The following FAM240C variants were observed in gnomAD, a reference collection of about 807,000 sequenced individuals.
The protein encoded by FAM240C is protein FAM240C.
FAM240C carries 14 observed loss-of-function variants against 10.0 expected under a neutral mutation model. The observed-to-expected ratio is 1.40, with a 90% confidence interval of 0.92 to 2.19. The LOEUF is 2.19. FAM240C is among the 30% of genes most tolerant of loss of function. The pLI, the probability that FAM240C is intolerant of heterozygous loss-of-function variation, is 0.00. For synonymous variants in FAM240C, 49 were observed against 44.3 expected, an observed-to-expected ratio of 1.11 and a Z score of -0.42; for missense variants, 154 against 122.3, an observed-to-expected ratio of 1.26 and a Z score of -1.22.
At chr2:241,896,723 T>G (rs73016201) in intron 2 of FAM240C, among the ~76,000 whole-genome samples, 102 of 1,572 alleles carry the variant, frequency 0.065, 28 homozygotes, top group South Asian at 0.12. Context: ...TGGGGGTGTG[T>G]GTGTTGGGGT....
At chr2:241,901,353 C>T (rs76494538), upstream of FAM240C, among the ~76,000 whole-genome samples, 12,176 of 152,266 alleles carry the variant, frequency 0.08, 547 homozygotes, top group East Asian at 0.13. This position sits in a 1 kb window ranked among gnomAD's most constrained non-coding sequence, Gnocchi z 4.9. Flanking sequence ...TTCAGTCTCC[C>T]GGGTCACTTG....
At chr2:241,901,763 G>A (rs547180815), upstream of FAM240C, among the ~76,000 whole-genome samples, 46 of 152,362 alleles carry the variant, frequency 3.0e-4, no homozygotes, top group Middle Eastern at 3.4e-3. The surrounding 1 kb of genome is among the most constrained non-coding windows in gnomAD (Gnocchi z 4.9). Context: ...AAACGGAAAG[G>A]AATAGCCCCA....
upstream of FAM240C, chr2:241,902,441 A>T (rs1450994490): frequency 9.5e-6 from 1 of 105,316 alleles, no homozygotes. This position sits in a 1 kb window ranked among gnomAD's most constrained non-coding sequence, Gnocchi z 7.1. Context: ...TCCGCCTGCC[A>T]GCCCGGAACG....
At chr2:241,900,542 C>G (rs1701960085), upstream of FAM240C, 38 of 605,956 alleles carry the variant, frequency 6.3e-5, 1 homozygote, top group South Asian at 7.2e-4. This position sits in a 1 kb window ranked among gnomAD's most constrained non-coding sequence, Gnocchi z 4.5. Context: ...GGGCACCGTC[C>G]CTGGCAGAGC....
chr2:241,899,296 G>A, intron 1 of FAM240C: 5 of 985,458 alleles, frequency 5.1e-6, no homozygotes, highest in African/African-American at 3.5e-5. Flanking sequence ...GCTTTGCTGG[G>A]GAGCTGCCCC....
At chr2:241,898,638 C>T (rs187922957) in intron 1 of FAM240C, among the ~76,000 whole-genome samples, 229 of 152,258 alleles carry the variant, frequency 1.5e-3, no homozygotes, top group Admixed American at 4.6e-3. Context: ...GCCCTCCTCC[C>T]GATTTCACCC....
rs765328374 is a variant in FAM240C at position 241,897,329 on chromosome 2, C to T, written c.18G>A (p.Met6Ile). The T allele has an allele frequency of 9.7e-6, 15 of 1,549,294 alleles. No individual in the cohort carries two copies. The highest frequency in any genetic ancestry group is 7.1e-5 in the South Asian group (6 of 84,066). The change falls in exon 2 of 3, where the codon ATG (methionine) becomes ATA (isoleucine). Residue 6 changes from methionine (M) to isoleucine (I), a missense_variant. By Grantham distance (10) the Met-to-Ile change is conservative. Coordinates refer to ENST00000404031, the MANE Select transcript of FAM240C (RefSeq NM_001382368.1). The part of the protein sequence containing the change: MVGKN[M>I]SKSLTLKNPG... ...GATTCTTAAGAGTGAGGCTTTTACT[C>T]ATGTTCTGGAAAATAAAAAGTGGAG... is the stretch of plus-strand genomic sequence containing the variant.
chr2:241,900,087 C>T lies in FAM240C; in HGVS notation c.12+271G>A, dbSNP rs996748191. Among the ~76,000 whole-genome samples the T allele has an allele frequency of 1.3e-5, 2 of 152,168 alleles. No individual in the cohort carries two copies. The highest frequency in any genetic ancestry group is 3.9e-4 in the East Asian group (2 of 5,158). ...ATCTCATAAACAACAACAACAGCAACAAAACAAAACAACAATGACAACAAC... is the reference window on the plus strand; with the variant it reads ...ATCTCATAAACAACAACAACAGCAATAAAACAAAACAACAATGACAACAAC... On this transcript the variant is annotated intron_variant, in intron 1 of 2. Transcript: ENST00000404031. This position sits in a 1 kb window ranked among gnomAD's most constrained non-coding sequence, Gnocchi z 4.5.
Position 241,900,142 on chromosome 2 carries a change from C to T in FAM240C, c.12+216G>A, listed in dbSNP as rs1394078004. 6.6e-6 allele frequency among the ~76,000 whole-genome samples: 1 copy of T among 152,158 alleles called. No homozygotes were observed. Among genetic ancestry groups the T allele is most frequent in the Non-Finnish European group, 1.5e-5 (1 of 68,028 alleles). On this transcript the variant is annotated intron_variant, in intron 1 of 2. Coordinates refer to ENST00000404031, the MANE Select transcript of FAM240C (RefSeq NM_001382368.1). The surrounding 1 kb of genome is among the most constrained non-coding windows in gnomAD (Gnocchi z 4.5). ...ACACAAAGGGGTGCGTGTTGTGAGG[C>T]AGGTGATGGAGACACTCTCCCCCCA...
chr2:241,895,123 C>T (rs527265188), intron 2 of FAM240C, among the ~76,000 whole-genome samples: 4 of 152,246 alleles, frequency 2.6e-5, no homozygotes, highest in Non-Finnish European at 5.9e-5. Flanking sequence ...ACCCAGATGA[C>T]GATGGTGCTG....
intron 2 of FAM240C, among the ~76,000 whole-genome samples, chr2:241,895,971 G>GT (rs200035960): frequency 5.3e-5 from 8 of 152,062 alleles, no homozygotes; most frequent in South Asian, 2.1e-4. Flanking sequence ...GGTGGGGGGG[G>GT]GCCTCTCCTT....
At chr2:241,894,445 G>C in intron 2 of FAM240C, 106 bp from the exon 3 acceptor site, 1 of 1,286,936 alleles carries the variant, frequency 7.8e-7, no homozygotes, top group Non-Finnish European at 1.1e-6. Context: ...GCAGGAGTAT[G>C]ACACTCCCTG....
chr2:241,896,480 CG>C (rs1277188784), intron 2 of FAM240C, among the ~76,000 whole-genome samples: 18 of 75,434 alleles, frequency 2.4e-4, no homozygotes, highest in South Asian at 1.8e-3. Flanking sequence ...AGGGAGATGG[CG>C]GGGGAAGGGG....
chr2:241,899,694 C>G (rs1701935760), intron 1 of FAM240C, among the ~76,000 whole-genome samples: 1 of 152,224 alleles, frequency 6.6e-6, no homozygotes, highest in Non-Finnish European at 1.5e-5. Context: ...ACTTAGCCCC[C>G]AAAGGCAGCC....
At chr2:241,894,907 C>T (rs1701756589) in intron 2 of FAM240C, among the ~76,000 whole-genome samples, 1 of 152,248 alleles carries the variant, frequency 6.6e-6, no homozygotes, top group East Asian at 1.9e-4. Flanking sequence ...ATCTCAGCAC[C>T]ACGCATGGGC....
In FAM240C at chr2:241,894,579, G is replaced by T. The variant is rs939413241; in HGVS notation, c.162-240C>A. Among the ~76,000 whole-genome samples the T allele has an allele frequency of 7.5e-5, 10 of 132,600 alleles. 1 individual carries two copies. In the East Asian group the frequency reaches 2.8e-3, roughly 37 times the overall value. 87.0% of individuals were successfully genotyped at this position (132,600 alleles called of 152,430 possible). A position where few individuals can be genotyped will look rare whatever the true frequency, so the allele number is the denominator to read the frequency against. On this transcript the variant is annotated intron_variant, in intron 2 of 2. Transcript: ENST00000404031. ...GCTGCTGACCAGTGGTTGGTGGGGG[G>T]GGGGGGGGGCGTCTCACTCAGGACC...
intron 1 of FAM240C, 30 bp from the exon 2 acceptor site, chr2:241,897,364 G>T: frequency 6.5e-7 from 1 of 1,547,456 alleles, no homozygotes; most frequent in East Asian, 2.4e-5. Flanking sequence ...GAAGAGCTCA[G>T]TCACCTTATG....
chr2:241,898,235 A>G (rs1360879780), intron 1 of FAM240C, among the ~76,000 whole-genome samples: 1 of 152,244 alleles, frequency 6.6e-6, no homozygotes, highest in Non-Finnish European at 1.5e-5. Context: ...CAGCAATCTT[A>G]GAATATCAAT....
At chr2:241,900,528 G>C (rs1035425528), upstream of FAM240C, 2 of 628,192 alleles carry the variant, frequency 3.2e-6, no homozygotes, top group Non-Finnish European at 5.9e-6. This position sits in a 1 kb window ranked among gnomAD's most constrained non-coding sequence, Gnocchi z 4.5. Flanking sequence ...GCTGCCCTCT[G>C]TCTGGGCACC....
Sources: allele counts gnomAD v4.1 joint callset (sites outside exome capture counted in the v4.1 genomes callset), GRCh38; gene constraint gnomAD v4.1.1; non-coding constraint Gnocchi (gnomAD v3.1); transcripts MANE v1.5; gene names NCBI Gene and HGNC (gene_info 2026-07-23, HGNC 2026-07-21).